UVRAG: variants seen among roughly 807,000 people sequenced by gnomAD.
The protein encoded by UVRAG is UV radiation resistance associated, also known as UV radiation resistance-associated gene protein.
Under a neutral mutation model 78.0 loss-of-function variants are expected in UVRAG, and 19 were observed. The observed-to-expected ratio is 0.24, with a 90% CI of 0.17 to 0.36. UVRAG has a LOEUF of 0.36. Ranked by LOEUF, UVRAG falls within the 10% of genes least tolerant of loss-of-function variation. UVRAG has a pLI of 1.00. For synonymous variants in UVRAG, 323 were observed against 324.6 expected (o/e 1.00, Z 0.05); for missense variants, 740 against 853.8 (o/e 0.87, Z 1.66).
In UVRAG at chr11:75,815,235, C is replaced by T. The variant is rs1945230715; in HGVS notation, c.-173C>T. 5 of 446,338 alleles carry T rather than the reference C, an allele frequency of 1.1e-5. No homozygotes were observed. Among genetic ancestry groups the T allele is most frequent in the East Asian group, 3.5e-5 (1 of 28,386 alleles). 27.6% of individuals were successfully genotyped at this position (446,338 alleles called of 1,614,324 possible). A position where few individuals can be genotyped will look rare whatever the true frequency, so the allele number is the denominator to read the frequency against. Reference sequence around the variant, plus strand: ...GGTAATATGGCTCTTCCTTAGCCAGCGGCGGCAACGGCGGCAGCGGCGGCA... The same window carrying T: ...GGTAATATGGCTCTTCCTTAGCCAGTGGCGGCAACGGCGGCAGCGGCGGCA... On this transcript the variant is annotated 5_prime_UTR_variant, in exon 1 of 15. Transcript: ENST00000356136.
At position 75,983,465 on chromosome 11, in the gene UVRAG, C is replaced by G. The variant is rs376568898; in HGVS notation, c.778C>G (p.Arg260Gly). The change falls in exon 8 of 15, where the codon CGG becomes GGG. Residue 260 changes from arginine (R) to glycine (G), a missense_variant. Coordinates refer to ENST00000356136, the MANE Select transcript of UVRAG (RefSeq NM_003369.4). ...GGAACGGCAGAAGAAAGCTTTGGGA[C>G]GGGAGGTGGCATTACTGCATAAGCA... ...ELERQKKALG[R>G]EVALLHKQQI... 1 of 1,610,426 alleles carries G rather than the reference C, an allele frequency of 6.2e-7. No homozygotes were observed. The highest frequency in any genetic ancestry group is 1.7e-4 in the Middle Eastern group (1 of 6,058).
intron 12 of UVRAG, among the ~76,000 whole-genome samples, chr11:76,053,317 A>G (rs990277871): frequency 1.8e-4 from 27 of 150,880 alleles, no homozygotes; most frequent in Non-Finnish European, 3.2e-4. Flanking sequence ...AAACACACAC[A>G]CACACACACA....
chr11:76,084,965 G>A (rs142674433), intron 13 of UVRAG, among the ~76,000 whole-genome samples: 276 of 150,648 alleles, frequency 1.8e-3, no homozygotes, highest in African/African-American at 6.5e-3. Context: ...TCAAGAGGCT[G>A]AGGCGTGAGA....
chr11:76,078,065 G>A (rs1182699852), intron 13 of UVRAG, among the ~76,000 whole-genome samples: 2 of 152,150 alleles, frequency 1.3e-5, no homozygotes, highest in South Asian at 2.1e-4. Context: ...AGAGAGGATG[G>A]CATATAAATT....
intron 6 of UVRAG, among the ~76,000 whole-genome samples, chr11:75,939,249 G>A (rs114411224): frequency 1.1e-4 from 17 of 152,208 alleles, no homozygotes; most frequent in African/African-American, 3.6e-4. Context: ...CTACACTGTA[G>A]TGTAAGGTGT....
intron 7 of UVRAG, among the ~76,000 whole-genome samples, 185 bp from the exon 8 acceptor site, chr11:75,983,202 G>C (rs1949428015): frequency 6.6e-6 from 1 of 152,000 alleles, no homozygotes; most frequent in Non-Finnish European, 1.5e-5. Flanking sequence ...CTTATTCTTT[G>C]CTTATTTCTA....
At chr11:75,908,777 T>C (rs929266510) in intron 5 of UVRAG, among the ~76,000 whole-genome samples, 2 of 150,176 alleles carry the variant, frequency 1.3e-5, no homozygotes, top group Non-Finnish European at 3.0e-5. Context: ...TCTACCTCTT[T>C]ATCTGTTATA....
At chr11:76,015,235 C>T (rs1950125458) in intron 11 of UVRAG, among the ~76,000 whole-genome samples, 2 of 152,148 alleles carry the variant, frequency 1.3e-5, no homozygotes, top group African/African-American at 4.8e-5. Flanking sequence ...GGCACAGTGG[C>T]ACAAACCTGT....
At chr11:76,077,187 CAT>C (rs1951419357) in intron 13 of UVRAG, among the ~76,000 whole-genome samples, 1 of 149,280 alleles carries the variant, frequency 6.7e-6, no homozygotes, top group African/African-American at 2.4e-5. Context: ...CACACACACA[CAT>C]CTCTTGTATC....
rs528656691 is a variant in UVRAG at position 75,977,644 on chromosome 11, C to T, written c.700-5743C>T. 1.5e-3 allele frequency among the ~76,000 whole-genome samples: 229 copies of T among 152,198 alleles called. 1 individual carries two copies. Among genetic ancestry groups the T allele is most frequent in the African/African-American group, 5.3e-3 (221 of 41,544 alleles). On this transcript the variant is annotated intron_variant, in intron 7 of 14. Transcript: ENST00000356136. ...TATGTAATGGCCTTCTTTGTCTCTT[C>T]TGATCTTTGTTGGTTTAAAGTCTGT... is the stretch of plus-strand genomic sequence containing the variant.
chr11:76,058,946 T>C (rs1468127182), intron 12 of UVRAG, among the ~76,000 whole-genome samples: 1 of 152,204 alleles, frequency 6.6e-6, no homozygotes, highest in Non-Finnish European at 1.5e-5. Context: ...CTTGATGTGT[T>C]TGTGACACTG....
At chr11:75,971,211 C>T (rs953140641) in intron 7 of UVRAG, among the ~76,000 whole-genome samples, 1 of 152,134 alleles carries the variant, frequency 6.6e-6, no homozygotes, top group African/African-American at 2.4e-5. Context: ...GAATAGTACT[C>T]CATTGTATAT....
rs375320827 is a variant in UVRAG, at chr11:75,920,512, C to T, written c.593+8473C>T. 7.9e-5 allele frequency among the ~76,000 whole-genome samples: 12 copies of T among 152,126 alleles called. No individual in the cohort carries two copies. In the South Asian group the frequency reaches 8.3e-4, roughly 11 times the overall value. The stretch of plus-strand genomic sequence containing the variant: ...ACAAAAATAGGATTTAAGCAAAATA[C>T]GGGAGTAATTATAGGGTGAAGTCTT... On this transcript the variant is annotated intron_variant, in intron 6 of 14. Transcript: ENST00000356136.
intron 13 of UVRAG, among the ~76,000 whole-genome samples, chr11:76,066,608 G>T (rs1220744032): frequency 6.6e-6 from 1 of 152,114 alleles, no homozygotes; most frequent in African/African-American, 2.4e-5. Context: ...AAGTAGGTGG[G>T]ATTACAGGCG....
chr11:75,826,590 A>T (rs1198520830), intron 1 of UVRAG, among the ~76,000 whole-genome samples: 2 of 151,838 alleles, frequency 1.3e-5, no homozygotes, highest in Non-Finnish European at 2.9e-5. Context: ...CCACCCTCCC[A>T]CGTCCCTTTT....
At chr11:76,031,358 A>G (rs1397057685) in intron 12 of UVRAG, among the ~76,000 whole-genome samples, 1 of 152,224 alleles carries the variant, frequency 6.6e-6, no homozygotes, top group African/African-American at 2.4e-5. Flanking sequence ...GAGACAGGAA[A>G]TGAACACCTT....
chr11:75,952,938 T>G (rs1419547535), intron 6 of UVRAG, among the ~76,000 whole-genome samples: 1 of 152,112 alleles, frequency 6.6e-6, no homozygotes, highest in Non-Finnish European at 1.5e-5. Context: ...ATTTAACAGA[T>G]GGTGGTTCTT....
intron 7 of UVRAG, among the ~76,000 whole-genome samples, chr11:75,972,583 T>C (rs113987524): frequency 1.6e-4 from 24 of 152,344 alleles, no homozygotes; most frequent in African/African-American, 5.3e-4. Flanking sequence ...TTGGGTATAT[T>C]TCTAGGCTCT....
At chr11:75,895,975 A>C (rs1056811015) in intron 5 of UVRAG, among the ~76,000 whole-genome samples, 2 of 152,152 alleles carry the variant, frequency 1.3e-5, no homozygotes, top group African/African-American at 4.8e-5. Context: ...TTCAAAATTT[A>C]TTTTCTTTGT....
Sources: gnomAD v4.1 joint callset for allele counts (sites outside exome capture counted in the v4.1 genomes callset) on GRCh38, gnomAD v4.1.1 for gene constraint, MANE v1.5 for transcripts, NCBI Gene and HGNC (gene_info 2026-07-23, HGNC 2026-07-21) for gene names.